The following FANCB variants were observed in gnomAD, a reference collection of about 807,000 sequenced individuals.
The protein encoded by FANCB is Fanconi anemia group B protein.
FANCB carries 5 observed loss-of-function variants against 38.9 expected under a neutral mutation model. That is an observed-to-expected ratio of 0.13 (90% confidence interval 0.07 to 0.27). The LOEUF (loss-of-function observed/expected upper bound fraction) is 0.27. FANCB is among the 10% of genes least tolerant of loss of function. FANCB has a pLI of 1.00. For missense variants in FANCB, 573 were observed against 602.7 expected (o/e 0.95, Z 0.52); for synonymous variants, 236 against 215.4 (o/e 1.10, Z -0.84).
Position 14,853,148 on chromosome X carries a change from C to T in FANCB, c.1217G>A (p.Arg406Gln), listed in dbSNP as rs1467307983. The T allele has an allele frequency of 3.3e-6, 4 of 1,205,344 alleles. No individual in the cohort carries two copies. Among genetic ancestry groups the T allele is most frequent in the Non-Finnish European group, 4.5e-6 (4 of 891,647 alleles). Reference sequence around the variant, plus strand: ...AAGCAACAGATGCTGCCGTAATTCCCGAAAAGAAGAAAAACAAACCTGTAA... The same window carrying T: ...AAGCAACAGATGCTGCCGTAATTCCTGAAAAGAAGAAAAACAAACCTGTAA... ...TGLKVCFSSF[R>Q]ELRQHLLLKE... Residue 406 changes from arginine to glutamine, a missense_variant, in exon 6 of 10, where the codon CGG becomes CAG. Physicochemically the swap from Arg to Gln is conservative, Grantham distance 43. Coordinates refer to ENST00000650831, the MANE Select transcript of FANCB (RefSeq NM_001018113.3).
At chrX:14,764,204 C>T in the FANCB span, among the ~76,000 whole-genome samples, 4 of 111,550 alleles carry the variant, frequency 3.6e-5, no homozygotes, top group South Asian at 1.5e-3. Flanking sequence ...TTAGGAGTCT[C>T]AGGGTCTTAG....
chrX:14,753,224 T>C, the FANCB span, among the ~76,000 whole-genome samples: 1 of 111,747 alleles, frequency 8.9e-6, no homozygotes, highest in Non-Finnish European at 1.9e-5. Context: ...AGCAATGTCC[T>C]TTAAAGCATT....
At chrX:14,690,661 C>G in the FANCB span, 2 of 360,097 alleles carry the variant, frequency 5.6e-6, no homozygotes, top group Non-Finnish European at 8.6e-6. Flanking sequence ...GTCTTTCTTT[C>G]TCTCTCTCTC....
At chrX:14,730,699 G>A in the FANCB span, 5 of 401,731 alleles carry the variant, frequency 1.2e-5, no homozygotes, top group Middle Eastern at 6.7e-4. Flanking sequence ...GCAGAATCAC[G>A]GGAGCATAAT....
At position 14,849,181 on chromosome X, in the gene FANCB, C is replaced by T. The variant is rs146542891; in HGVS notation, c.1496+1324G>A. On this transcript the variant is annotated intron_variant, in intron 7 of 9. Transcript: ENST00000650831. ...CCAATTTCACTCATGAATTTAGATG[C>T]AAATATTCTTGACCAAAGGATAGCA... 5.2e-3 allele frequency among the ~76,000 whole-genome samples: 577 copies of T among 111,964 alleles called. 4 individuals carry two copies. Among genetic ancestry groups the T allele is most frequent in the African/African-American group, 0.018 (541 of 30,791 alleles).
downstream of FANCB, among the ~76,000 whole-genome samples, chrX:14,839,198 G>A (rs1255151193): frequency 3.6e-5 from 4 of 111,097 alleles, no homozygotes; most frequent in African/African-American, 1.3e-4. Flanking sequence ...GGAAGCTAAG[G>A]CAGGAGAATC....
the FANCB span, among the ~76,000 whole-genome samples, chrX:14,693,612 A>G: frequency 2.7e-5 from 3 of 112,249 alleles, no homozygotes; most frequent in Non-Finnish European, 5.6e-5. Flanking sequence ...AACATAATTA[A>G]CAAACTACAC....
At chrX:14,702,718 G>A in the FANCB span, among the ~76,000 whole-genome samples, 1 of 111,563 alleles carries the variant, frequency 9.0e-6, no homozygotes, top group South Asian at 3.8e-4. Context: ...CATTGCTTCT[G>A]GAGGGTTGTC....
chrX:14,861,479 T>C (rs1442423260), intron 3 of FANCB, among the ~76,000 whole-genome samples: 1 of 111,460 alleles, frequency 9.0e-6, no homozygotes, highest in Non-Finnish European at 1.9e-5. Context: ...AATAAAAGAA[T>C]AGATGGATGG....
At chrX:14,733,995 G>C in the FANCB span, among the ~76,000 whole-genome samples, 1 of 111,824 alleles carries the variant, frequency 8.9e-6, no homozygotes, top group Non-Finnish European at 1.9e-5. Context: ...ATTCTTTTAT[G>C]TATATCTACT....
downstream of FANCB, among the ~76,000 whole-genome samples, chrX:14,833,708 T>G (rs2092333701): frequency 9.4e-6 from 1 of 106,590 alleles, no homozygotes; most frequent in Non-Finnish European, 1.9e-5. Flanking sequence ...TCAGCTAAAA[T>G]CCCAACTTTG....
chrX:14,734,717 C>T, the FANCB span, among the ~76,000 whole-genome samples: 14 of 110,640 alleles, frequency 1.3e-4, no homozygotes, highest in South Asian at 5.0e-3. Flanking sequence ...TTGCTCTTCT[C>T]GAGGAGTATC....
chrX:14,777,739 T>C, the FANCB span, among the ~76,000 whole-genome samples: 1 of 112,212 alleles, frequency 8.9e-6, no homozygotes, highest in Non-Finnish European at 1.9e-5. Flanking sequence ...GATTGGCACA[T>C]CCTGTCTTAC....
chrX:14,772,768 T>C, the FANCB span, among the ~76,000 whole-genome samples: 148 of 111,648 alleles, frequency 1.3e-3, 1 homozygote, highest in African/African-American at 3.9e-3. Flanking sequence ...CTGCCACGAC[T>C]CCACATAGCT....
At chrX:14,846,671 C>T (rs143370183) in intron 7 of FANCB, among the ~76,000 whole-genome samples, 5 of 110,944 alleles carry the variant, frequency 4.5e-5, no homozygotes, top group African/African-American at 1.6e-4. Flanking sequence ...AAAATTCAGG[C>T]ATTATTCTGA....
the FANCB span, among the ~76,000 whole-genome samples, chrX:14,755,499 C>T: frequency 9.0e-6 from 1 of 111,579 alleles, no homozygotes; most frequent in African/African-American, 3.3e-5. Flanking sequence ...TTTCTACGTA[C>T]CAGTACCAAA....
At chrX:14,807,168 T>C in the FANCB span, among the ~76,000 whole-genome samples, 1 of 112,379 alleles carries the variant, frequency 8.9e-6, no homozygotes, top group African/African-American at 3.2e-5. Context: ...GCTTGAGATG[T>C]CACAATTCAG....
the FANCB span, among the ~76,000 whole-genome samples, chrX:14,714,547 G>A: frequency 8.9e-6 from 1 of 111,748 alleles, no homozygotes; most frequent in Non-Finnish European, 1.9e-5. Flanking sequence ...CCATTTACAG[G>A]CTGTGGCAAC....
At chrX:14,822,336 C>A in the FANCB span, among the ~76,000 whole-genome samples, 1 of 109,883 alleles carries the variant, frequency 9.1e-6, no homozygotes, top group African/African-American at 3.3e-5. Context: ...GAAAATGGAA[C>A]AGGGCTGGGG....
Sources: allele counts gnomAD v4.1 joint callset (sites outside exome capture counted in the v4.1 genomes callset), GRCh38; gene constraint gnomAD v4.1.1; transcripts MANE v1.5; gene names NCBI Gene and HGNC (gene_info 2026-07-23, HGNC 2026-07-21).